WWC1: variants seen among roughly 807,000 people sequenced by gnomAD.
WWC1 encodes WW and C2 domain containing 1, also known as protein KIBRA.
Under a neutral mutation model 138.4 loss-of-function variants are expected in WWC1, and 55 were observed. The observed-to-expected ratio is 0.40, with a 90% CI of 0.32 to 0.50. The LOEUF (loss-of-function observed/expected upper bound fraction) is 0.50, where lower values mean the gene tolerates loss of function less well. Among genes scored for constraint, WWC1 ranks in the 20% least tolerant of loss-of-function variants. The pLI is 0.72. For synonymous variants in WWC1, 524 were observed against 564.9 expected, an observed-to-expected ratio of 0.93 and a Z score of 1.03; for missense variants, 1,226 against 1,420.4, an observed-to-expected ratio of 0.86 and a Z score of 2.20.
chr5:168,378,031 C>T (rs1777350765), intron 2 of WWC1, among the ~76,000 whole-genome samples: 1 of 152,184 alleles, frequency 6.6e-6, no homozygotes, highest in Non-Finnish European at 1.5e-5. Context: ...AACCTTAGTG[C>T]CCATCAGCAG....
chr5:168,301,409 G>T (rs756461585), intron 1 of WWC1, among the ~76,000 whole-genome samples: 1 of 152,186 alleles, frequency 6.6e-6, no homozygotes, highest in Non-Finnish European at 1.5e-5. Flanking sequence ...GCCAAGGTGG[G>T]TGGATCACCT....
At chr5:168,377,529 C>T (rs996256836) in intron 2 of WWC1, among the ~76,000 whole-genome samples, 2 of 152,282 alleles carry the variant, frequency 1.3e-5, no homozygotes, top group Admixed American at 6.5e-5. Flanking sequence ...GTAAACTATG[C>T]ATCCAGTAAA....
At chr5:168,310,622 C>T (rs1237212415) in intron 1 of WWC1, among the ~76,000 whole-genome samples, 2 of 151,846 alleles carry the variant, frequency 1.3e-5, no homozygotes, top group Non-Finnish European at 2.9e-5. Context: ...ATAGCTTGAG[C>T]CCAGGGGTTC....
chr5:168,292,211 G>T lies in WWC1; in HGVS notation c.59G>T (p.Gly20Val). The T allele has an allele frequency of 6.4e-7, 1 of 1,572,732 alleles. No homozygotes were observed. Among genetic ancestry groups the T allele is most frequent in the Non-Finnish European group, 8.6e-7 (1 of 1,159,582 alleles). The part of the protein sequence containing the change: ...EGWEEARDFD[G>V]KVYYIDHTNR... ...TGGGAGGAGGCGCGCGACTTCGACGGCAAGGTCTACTACATAGACCACACG... is the reference window on the plus strand; with the variant it reads ...TGGGAGGAGGCGCGCGACTTCGACGTCAAGGTCTACTACATAGACCACACG... The change falls in exon 1 of 23, where the codon GGC becomes GTC. Residue 20 changes from glycine to valine, a missense_variant. Physicochemically the swap from Gly to Val is moderately radical, Grantham distance 109. Coordinates refer to ENST00000265293, the MANE Select transcript of WWC1 (RefSeq NM_015238.3). The surrounding 1 kb of genome is among the most constrained non-coding windows in gnomAD (Gnocchi z 4.4).
intron 8 of WWC1, among the ~76,000 whole-genome samples, chr5:168,411,086 C>T (rs978872604): frequency 2.6e-5 from 4 of 152,010 alleles, no homozygotes; most frequent in South Asian, 2.1e-4. Context: ...TCACAACGCC[C>T]GGCTAATTTT....
chr5:168,363,751 G>A lies in WWC1; in HGVS notation c.120-7673G>A, dbSNP rs891407964. Among the ~76,000 whole-genome samples, 6 of 151,926 alleles carry A rather than the reference G, an allele frequency of 3.9e-5. No homozygotes were observed. The South Asian group carries it at 1.0e-3, about 26-fold the overall frequency. On this transcript the variant is annotated intron_variant, in intron 1 of 22. Coordinates refer to ENST00000265293, the MANE Select transcript of WWC1 (RefSeq NM_015238.3). ...TCAGCACAGCCCATTTTAACGCAGC[G>A]GTGACTTTGAGCACCCCCATCTTAT...
rs149838991 is a variant in WWC1 at position 168,427,848 on chromosome 5, T to A, written c.1811-185T>A. On this transcript the variant is annotated intron_variant, in intron 11 of 22. Transcript: ENST00000265293. ...TGGTGGCACATGCCTGTAGTTCCAGTATTTGGGAGGCGGAGGTGGGAGGAT... is the reference window on the plus strand; with the variant it reads ...TGGTGGCACATGCCTGTAGTTCCAGAATTTGGGAGGCGGAGGTGGGAGGAT... 1.0e-3 allele frequency among the ~76,000 whole-genome samples: 156 copies of A among 152,068 alleles called. 1 individual carries two copies. Among genetic ancestry groups the A allele is most frequent in the African/African-American group, 3.6e-3 (149 of 41,488 alleles).
chr5:168,350,908 G>C (rs559971989), intron 1 of WWC1, among the ~76,000 whole-genome samples: 1 of 152,290 alleles, frequency 6.6e-6, no homozygotes, highest in South Asian at 2.1e-4. Flanking sequence ...CACTTTGGGA[G>C]GCCGAGGCGG....
At chr5:168,441,099 C>T (rs930658952) in intron 15 of WWC1, among the ~76,000 whole-genome samples, 1 of 152,180 alleles carries the variant, frequency 6.6e-6, no homozygotes, top group African/African-American at 2.4e-5. Context: ...AAAAGGAATA[C>T]AATTCTGATA....
intron 18 of WWC1, 93 bp downstream of exon 18, chr5:168,454,193 T>G (rs1756097591): frequency 2.6e-6 from 4 of 1,537,290 alleles, no homozygotes; most frequent in Non-Finnish European, 3.5e-6. Context: ...GAGCTAAGTC[T>G]TGGCTTCCAG....
At chr5:168,342,004 T>C (rs776333435) in intron 1 of WWC1, among the ~76,000 whole-genome samples, 2 of 152,194 alleles carry the variant, frequency 1.3e-5, no homozygotes, top group Non-Finnish European at 2.9e-5. Flanking sequence ...GCCTGCAGCC[T>C]GTGTCAGACA....
chr5:168,358,686 T>C (rs925358090), intron 1 of WWC1, among the ~76,000 whole-genome samples: 3 of 152,208 alleles, frequency 2.0e-5, no homozygotes, highest in Non-Finnish European at 2.9e-5. Context: ...TATGTTGCAT[T>C]GAATTGACGA....
chr5:168,464,397 G>A (rs1444639716), intron 20 of WWC1, among the ~76,000 whole-genome samples: 1 of 152,160 alleles, frequency 6.6e-6, no homozygotes, highest in African/African-American at 2.4e-5. Flanking sequence ...GCTTCCTGGA[G>A]TGGAGCTTCA....
chr5:168,412,603 T>C (rs1056043), intron 8 of WWC1, among the ~76,000 whole-genome samples: 70,603 of 152,044 alleles, frequency 0.46, 19,613 homozygotes, highest in African/African-American at 0.76. Flanking sequence ...GTCTCAAAGC[T>C]GATCTTGATA....
At chr5:168,324,923 A>C (rs2152761563) in intron 1 of WWC1, among the ~76,000 whole-genome samples, 1 of 152,344 alleles carries the variant, frequency 6.6e-6, no homozygotes, top group Admixed American at 6.5e-5. Context: ...AGGGTGATTC[A>C]TCAAAAAGAC....
Position 168,394,261 on chromosome 5 carries a change from T to C in WWC1, c.434-3463T>C, listed in dbSNP as rs545428520. 1.1e-3 allele frequency among the ~76,000 whole-genome samples: 163 copies of C among 152,192 alleles called. 1 individual carries two copies. The highest frequency in any genetic ancestry group is 1.7e-3 in the Non-Finnish European group (116 of 68,038). The stretch of plus-strand genomic sequence containing the variant: ...CCCAAGAAATTGAAAATGATTTTCT[T>C]TTAGGTTGTGAGTTATGGGGATAGG... On this transcript the variant is annotated intron_variant, in intron 3 of 22. Transcript: ENST00000265293.
chr5:168,361,989 A>G (rs1030255531), intron 1 of WWC1, among the ~76,000 whole-genome samples: 1 of 152,206 alleles, frequency 6.6e-6, no homozygotes, highest in African/African-American at 2.4e-5. Flanking sequence ...AGGCTGAGGC[A>G]GGAGAATCGC....
rs545181383 is a variant in WWC1 at position 168,382,564 on chromosome 5, G to A, written c.230-2647G>A. Among the ~76,000 whole-genome samples the A allele has an allele frequency of 5.9e-5, 9 of 152,322 alleles. No individual in the cohort carries two copies. In the South Asian group the frequency reaches 1.9e-3, roughly 32 times the overall value. On this transcript the variant is annotated intron_variant, in intron 2 of 22. Transcript: ENST00000265293. ...TTTTCTGTGGGCTGTGCCAGCTGGA[G>A]GTGTAGGGCAGATCCCTCAGGGGGA...
chr5:168,326,122 G>A (rs1210303934), intron 1 of WWC1, among the ~76,000 whole-genome samples: 2 of 151,976 alleles, frequency 1.3e-5, no homozygotes, highest in Non-Finnish European at 2.9e-5. Context: ...AGGAATGTGA[G>A]TGGACAGTAA....
Sources: gnomAD v4.1 joint callset for allele counts (sites outside exome capture counted in the v4.1 genomes callset) on GRCh38, gnomAD v4.1.1 for gene constraint, Gnocchi (gnomAD v3.1) non-coding constraint, MANE v1.5 for transcripts, NCBI Gene and HGNC (gene_info 2026-07-23, HGNC 2026-07-21) for gene names.